Variants in CSMD1 observed in about 807,000 individuals in gnomAD.
CSMD1 encodes the protein CUB and sushi domain-containing protein 1.
Under a neutral mutation model 417.5 loss-of-function variants are expected in CSMD1, and 213 were observed. The observed-to-expected ratio is 0.51, with a 90% CI of 0.46 to 0.57. The LOEUF (loss-of-function observed/expected upper bound fraction) is 0.57. CSMD1 is among the 20% of genes least tolerant of loss of function. The pLI, the probability that CSMD1 is intolerant of heterozygous loss-of-function variation, is 0.00. For synonymous variants in CSMD1, 2,862 were observed against 1,736.8 expected (o/e 1.65, Z -16.11); for missense variants, 6,923 against 4,529.7 (o/e 1.53, Z -15.17).
Position 4,129,062 on chromosome 8 carries a change from G to T in CSMD1, c.416-96963C>A, listed in dbSNP as rs538885464. 3.0e-4 allele frequency among the ~76,000 whole-genome samples: 36 copies of T among 120,962 alleles called. No individual in the cohort carries two copies. The South Asian group carries it at 6.4e-3, about 22-fold the overall frequency. The allele number at this position is 120,962 out of a possible 152,430, so 79.4% of individuals were successfully genotyped here. A position where few individuals can be genotyped will look rare whatever the true frequency, so the allele number is the denominator to read the frequency against. ...CTGCACTCCAGCGTGGTTACAGAGTGAGAGTCCAACTCAAAAAAAAAAAAA... is the reference window on the plus strand; with the variant it reads ...CTGCACTCCAGCGTGGTTACAGAGTTAGAGTCCAACTCAAAAAAAAAAAAA... On this transcript the variant is annotated intron_variant, in intron 3 of 69. Coordinates refer to ENST00000635120, the MANE Select transcript of CSMD1 (RefSeq NM_033225.6).
intron 5 of CSMD1, among the ~76,000 whole-genome samples, chr8:3,797,218 A>G (rs1800203157): frequency 6.6e-6 from 1 of 151,912 alleles, no homozygotes; most frequent in Non-Finnish European, 1.5e-5. Flanking sequence ...ATATCAAAGA[A>G]CTTCAACCAT....
chr8:4,328,650 C>CT (rs34769806), intron 3 of CSMD1, among the ~76,000 whole-genome samples: 28,250 of 152,030 alleles, frequency 0.19, 2,871 homozygotes, highest in African/African-American at 0.25. Flanking sequence ...AATAACATCA[C>CT]TTTTTCTCTT....
chr8:4,142,586 G>A (rs34851966), intron 3 of CSMD1, among the ~76,000 whole-genome samples: 45,412 of 150,886 alleles, frequency 0.3, 8,509 homozygotes, highest in Non-Finnish European at 0.39. Context: ...AGAAAAACAC[G>A]TTTTTTTCAA....
chr8:3,467,794 CT>C (rs966461196), intron 12 of CSMD1, among the ~76,000 whole-genome samples: 2 of 152,152 alleles, frequency 1.3e-5, no homozygotes, highest in African/African-American at 2.4e-5. Flanking sequence ...TTGGTGGATG[CT>C]TTTTTATTAT....
At chr8:3,837,280 T>C (rs562957995) in intron 5 of CSMD1, among the ~76,000 whole-genome samples, 109 of 152,268 alleles carry the variant, frequency 7.2e-4, no homozygotes, top group Admixed American at 1.6e-3. Flanking sequence ...ATTAGATAGA[T>C]GAATCTCTTC....
intron 1 of CSMD1, among the ~76,000 whole-genome samples, chr8:4,865,132 A>G (rs1384970367): frequency 6.6e-6 from 1 of 151,798 alleles, no homozygotes; most frequent in Non-Finnish European, 1.5e-5. Context: ...TCAAAGTTTT[A>G]TAACATTTTA....
chr8:4,177,977 TCA>T (rs1798145865), intron 3 of CSMD1, among the ~76,000 whole-genome samples: 1 of 152,192 alleles, frequency 6.6e-6, no homozygotes, highest in South Asian at 2.1e-4. Context: ...TCATATGGAC[TCA>T]CAGCCAAATT....
intron 2 of CSMD1, among the ~76,000 whole-genome samples, chr8:4,486,142 C>CGCACACGCAA (rs1801374413): frequency 3.0e-5 from 1 of 33,496 alleles, no homozygotes; most frequent in African/African-American, 1.2e-4. Flanking sequence ...TATATACATA[C>CGCACACGCAA]ATATATATAT....
At chr8:3,448,609 T>A (rs1815486811) in intron 12 of CSMD1, among the ~76,000 whole-genome samples, 1 of 151,998 alleles carries the variant, frequency 6.6e-6, no homozygotes, top group Non-Finnish European at 1.5e-5. Flanking sequence ...AAGGACCACA[T>A]GCCATGCAAA....
At chr8:3,486,072 T>C (rs1818014648) in intron 11 of CSMD1, among the ~76,000 whole-genome samples, 1 of 152,180 alleles carries the variant, frequency 6.6e-6, no homozygotes, top group Admixed American at 6.5e-5. Flanking sequence ...TTTGTCACAA[T>C]TTTGTCAAGA....
At chr8:4,955,929 C>A (rs1447414208) in intron 1 of CSMD1, among the ~76,000 whole-genome samples, 3 of 152,122 alleles carry the variant, frequency 2.0e-5, no homozygotes, top group South Asian at 2.1e-4. Context: ...GCCATCCAGG[C>A]GATTCAGATG....
At chr8:3,526,075 A>G (rs1015014472) in intron 10 of CSMD1, among the ~76,000 whole-genome samples, 1 of 152,218 alleles carries the variant, frequency 6.6e-6, no homozygotes, top group Non-Finnish European at 1.5e-5. Context: ...TCAAAGAACC[A>G]TCAACATGCT....
chr8:4,936,951 C>T (rs1807660105), intron 1 of CSMD1, among the ~76,000 whole-genome samples: 2 of 152,032 alleles, frequency 1.3e-5, no homozygotes, highest in Non-Finnish European at 2.9e-5. Context: ...TGGCTCATAC[C>T]TATAACCCTA....
chr8:3,053,629 G>A (rs1812020522), intron 49 of CSMD1, among the ~76,000 whole-genome samples: 1 of 152,230 alleles, frequency 6.6e-6, no homozygotes, highest in Middle Eastern at 3.4e-3. Context: ...TGCAGATGAG[G>A]TTTTATAAAA....
At chr8:4,990,110 C>G (rs1051574728) in intron 1 of CSMD1, among the ~76,000 whole-genome samples, 1 of 152,284 alleles carries the variant, frequency 6.6e-6, no homozygotes. Flanking sequence ...CCCTGCACTA[C>G]TTGCCATTTG....
intron 2 of CSMD1, among the ~76,000 whole-genome samples, chr8:4,526,686 G>GA (rs1339155201): frequency 6.6e-6 from 1 of 152,126 alleles, no homozygotes; most frequent in African/African-American, 2.4e-5. Flanking sequence ...TAGAAAACCA[G>GA]AAACGTAGGG....
At chr8:3,546,379 A>G (rs1188005665) in intron 10 of CSMD1, among the ~76,000 whole-genome samples, 1 of 152,032 alleles carries the variant, frequency 6.6e-6, no homozygotes, top group Non-Finnish European at 1.5e-5. Context: ...TACTAAAAAT[A>G]CAAAAAATTA....
chr8:4,113,003 T>C (rs377509008), intron 3 of CSMD1, among the ~76,000 whole-genome samples: 4 of 152,316 alleles, frequency 2.6e-5, no homozygotes, highest in East Asian at 1.9e-4. Context: ...ATATCTGTTA[T>C]GGTAATCAGT....
intron 1 of CSMD1, among the ~76,000 whole-genome samples, chr8:4,962,218 A>G (rs200637088): frequency 7.3e-6 from 1 of 136,484 alleles, no homozygotes; most frequent in Admixed American, 7.2e-5. Context: ...GAAAAAAACA[A>G]ATATTTGTTG....
Sources: allele counts gnomAD v4.1 joint callset (sites outside exome capture counted in the v4.1 genomes callset), GRCh38; gene constraint gnomAD v4.1.1; transcripts MANE v1.5; gene names NCBI Gene and HGNC (gene_info 2026-07-23, HGNC 2026-07-21).